The following IGF1R variants were observed in gnomAD, a reference collection of about 807,000 sequenced individuals.
IGF1R encodes the protein insulin like growth factor 1 receptor, also known as insulin-like growth factor 1 receptor.
A neutral mutation model predicts 144.6 loss-of-function variants in IGF1R; 44 were observed. The ratio of observed to expected loss-of-function variants is 0.30; its 90% CI spans 0.24 to 0.39. The LOEUF (loss-of-function observed/expected upper bound fraction) is 0.39, where lower values mean the gene tolerates loss of function less well. IGF1R is among the 10% of genes least tolerant of loss of function. IGF1R has a pLI of 1.00. For synonymous variants in IGF1R, 795 were observed against 722.8 expected, an observed-to-expected ratio of 1.10 and a Z score of -1.60; for missense variants, 1,355 against 1,833.7, an observed-to-expected ratio of 0.74 and a Z score of 4.77.
chr15:98,676,577 T>A (rs2053052488), intron 1 of IGF1R, among the ~76,000 whole-genome samples: 1 of 152,036 alleles, frequency 6.6e-6, no homozygotes, highest in Admixed American at 6.6e-5. Context: ...AAAAAAAAAA[T>A]TTGAAGCACC....
chr15:98,933,930 C>T (rs976913750), intron 15 of IGF1R, among the ~76,000 whole-genome samples: 1 of 152,202 alleles, frequency 6.6e-6, no homozygotes, highest in Non-Finnish European at 1.5e-5. Flanking sequence ...AGTAATCCTA[C>T]CAATAATGCA....
At chr15:98,758,484 G>A (rs2055212736) in intron 2 of IGF1R, among the ~76,000 whole-genome samples, 1 of 152,166 alleles carries the variant, frequency 6.6e-6, no homozygotes. Context: ...CAGATGGTAG[G>A]TGATAAGCCA....
intron 2 of IGF1R, among the ~76,000 whole-genome samples, chr15:98,886,298 G>GA (rs893727736): frequency 1.9e-4 from 29 of 151,874 alleles, no homozygotes; most frequent in African/African-American, 6.0e-4. Flanking sequence ...TCCCCCCAAG[G>GA]AAAAAAAATG....
chr15:98,710,610 A>G (rs185997361), intron 2 of IGF1R, among the ~76,000 whole-genome samples: 9 of 151,898 alleles, frequency 5.9e-5, no homozygotes, highest in Admixed American at 4.6e-4. Flanking sequence ...AACATTTTGG[A>G]TATATTAGAT....
intron 2 of IGF1R, among the ~76,000 whole-genome samples, chr15:98,863,887 T>C (rs2012290879): frequency 6.6e-6 from 1 of 152,212 alleles, no homozygotes; most frequent in African/African-American, 2.4e-5. Flanking sequence ...ATGAATTTAA[T>C]TTATCATGTG....
rs138285597 is a variant in IGF1R at position 98,878,663 on chromosome 15, C to CAAAAAAAAAAAAAAA, written c.641-12644_641-12630dup. 1.7e-4 allele frequency among the ~76,000 whole-genome samples: 10 copies of CAAAAAAAAAAAAAAA among 57,910 alleles called. 2 individuals carry two copies. Among genetic ancestry groups the CAAAAAAAAAAAAAAA allele is most frequent in the African/African-American group, 7.3e-4 (7 of 9,630 alleles). The allele number at this position is 57,910 out of a possible 152,430, so 38.0% of individuals were successfully genotyped here. On this transcript the variant is annotated intron_variant, in intron 2 of 20. Coordinates refer to ENST00000650285, the MANE Select transcript of IGF1R (RefSeq NM_000875.5). ...TCTCTCTTCTTATTTGTGAAAGACT[C>CAAAAAAAAAAAAAAA]AAAAAAAAAAAAAAAAAAAAAAAAA...
At chr15:98,666,225 AG>A (rs2052734640) in intron 1 of IGF1R, among the ~76,000 whole-genome samples, 2 of 152,148 alleles carry the variant, frequency 1.3e-5, no homozygotes, top group Admixed American at 6.5e-5. Flanking sequence ...TAGCAAGCAT[AG>A]GCCAGGATGT....
chr15:98,958,954 C>A lies in IGF1R; in HGVS notation c.*1512C>A, dbSNP rs761746135. The A allele has an allele frequency of 4.2e-4, 97 of 233,354 alleles. No homozygotes were observed. Among genetic ancestry groups the A allele is most frequent in the Middle Eastern group, 1.2e-3 (1 of 808 alleles). The allele number at this position is 233,354 out of a possible 1,614,324, so 14.5% of individuals were successfully genotyped here. ...CCTGCCCCTTTAGTTGTTTTCTAAC[C>A]CGTAGGCTCTCTGGGCACGAGGCAG... On this transcript the variant is annotated 3_prime_UTR_variant, in exon 21 of 21. Coordinates refer to ENST00000650285, the MANE Select transcript of IGF1R (RefSeq NM_000875.5).
chr15:98,811,531 A>G (rs1033238904), intron 2 of IGF1R, among the ~76,000 whole-genome samples: 8 of 148,512 alleles, frequency 5.4e-5, no homozygotes, highest in African/African-American at 2.0e-4. Flanking sequence ...CTCCATCTCA[A>G]AAAAAAAAAA....
At chr15:98,874,113 C>T (rs1430384228) in intron 2 of IGF1R, among the ~76,000 whole-genome samples, 2 of 152,046 alleles carry the variant, frequency 1.3e-5, no homozygotes, top group Non-Finnish European at 2.9e-5. Flanking sequence ...ACAGGGCGGG[C>T]AGGAGGATGG....
chr15:98,939,122 A>G, intron 17 of IGF1R, 79 bp from the exon 18 acceptor site: 3 of 1,194,486 alleles, frequency 2.5e-6, no homozygotes, highest in Non-Finnish European at 3.7e-6. Flanking sequence ...AACAAAGATG[A>G]TATGCAAACC....
In IGF1R at chr15:98,664,386, C is replaced by T. The variant is rs1014540804; in HGVS notation, c.94+14711C>T. ...TGGAAGATAATGCCACCCATCAGGC[C>T]GAGTGCGGTGGCTCATGCCTGTAAT... On this transcript the variant is annotated intron_variant, in intron 1 of 20. Coordinates refer to ENST00000650285, the MANE Select transcript of IGF1R (RefSeq NM_000875.5). Among the ~76,000 whole-genome samples, 5 of 152,218 alleles carry T rather than the reference C, an allele frequency of 3.3e-5. No individual in the cohort carries two copies. The East Asian group carries it at 7.7e-4, about 23-fold the overall frequency.
At position 98,678,973 on chromosome 15, in the gene IGF1R, G is replaced by A. The variant is rs931955861; in HGVS notation, c.95-28589G>A. 4.5e-4 allele frequency among the ~76,000 whole-genome samples: 64 copies of A among 142,470 alleles called. 2 individuals carry two copies. In the Admixed American group the frequency reaches 4.6e-3, roughly 10 times the overall value. 93.5% of individuals were successfully genotyped at this position (142,470 alleles called of 152,430 possible). Reference sequence around the variant, plus strand: ...GGATCTCGCTCTTGTCCCAGATGGTGTACAGTGGTGTGGTCATGGCTCACT... The same window carrying A: ...GGATCTCGCTCTTGTCCCAGATGGTATACAGTGGTGTGGTCATGGCTCACT... On this transcript the variant is annotated intron_variant, in intron 1 of 20. Transcript: ENST00000650285.
At chr15:98,773,257 C>T (rs181861050) in intron 2 of IGF1R, among the ~76,000 whole-genome samples, 246 of 152,214 alleles carry the variant, frequency 1.6e-3, no homozygotes, top group African/African-American at 5.7e-3. Flanking sequence ...GTGTAAACCT[C>T]GAGGCTCAGA....
In IGF1R at chr15:98,754,810, A is replaced by G. The variant is rs45566131; in HGVS notation, c.640+46703A>G. Among the ~76,000 whole-genome samples the G allele has an allele frequency of 3.0e-3, 456 of 152,318 alleles. 3 individuals carry two copies. The highest frequency in any genetic ancestry group is 0.01 in the African/African-American group (422 of 41,564). Reference sequence around the variant, plus strand: ...GAAATTATCCCCATTTTACAGATGAAGGAACAGAGGCTCCTAGAGACTAAA... The same window carrying G: ...GAAATTATCCCCATTTTACAGATGAGGGAACAGAGGCTCCTAGAGACTAAA... On this transcript the variant is annotated intron_variant, in intron 2 of 20. Transcript: ENST00000650285.
At chr15:98,925,404 G>A (rs1238828694) in intron 13 of IGF1R, among the ~76,000 whole-genome samples, 1 of 152,230 alleles carries the variant, frequency 6.6e-6, no homozygotes, top group Non-Finnish European at 1.5e-5. Flanking sequence ...TAGTATTTTG[G>A]TGAAATTAGT....
At position 98,809,419 on chromosome 15, in the gene IGF1R, C is replaced by A. The variant is rs544335877; in HGVS notation, c.641-81906C>A. Among the ~76,000 whole-genome samples, 9 of 152,284 alleles carry A rather than the reference C, an allele frequency of 5.9e-5. No individual in the cohort carries two copies. In the South Asian group the frequency reaches 1.9e-3, roughly 32 times the overall value. The stretch of plus-strand genomic sequence containing the variant: ...AGACGCCATGGAGTCAGTGTGAGTT[C>A]TGCAGCCTCCCAAGTTCCGCTGGCG... On this transcript the variant is annotated intron_variant, in intron 2 of 20. Transcript: ENST00000650285.
At chr15:98,916,525 G>C (rs1231849302) in intron 9 of IGF1R, 147 bp from the exon 10 acceptor site, 4 of 782,712 alleles carry the variant, frequency 5.1e-6, no homozygotes, top group Non-Finnish European at 8.8e-6. Flanking sequence ...GCCTCCCAAA[G>C]TGCTGGGATT....
At chr15:98,775,263 T>C (rs2055683376) in intron 2 of IGF1R, among the ~76,000 whole-genome samples, 1 of 152,150 alleles carries the variant, frequency 6.6e-6, no homozygotes, top group South Asian at 2.1e-4. Flanking sequence ...TTTTGTGTCC[T>C]GCCCCATCTC....
Sources: allele counts gnomAD v4.1 joint callset (sites outside exome capture counted in the v4.1 genomes callset), GRCh38; gene constraint gnomAD v4.1.1; transcripts MANE v1.5; gene names NCBI Gene and HGNC (gene_info 2026-07-23, HGNC 2026-07-21).